The following FAM24A variants were observed in gnomAD, a reference collection of about 807,000 sequenced individuals.
FAM24A encodes family with sequence similarity 24 member A.
FAM24A carries 2 observed loss-of-function variants against 2.8 expected under a neutral mutation model. The observed-to-expected ratio is 0.73, with a 90% CI of 0.30 to 2.28. The LOEUF is 2.28. Ranked by LOEUF, FAM24A falls within the 30% of genes most tolerant of loss-of-function variation. FAM24A has a pLI of 0.12. For missense variants in FAM24A, 109 were observed against 132.0 expected (o/e 0.83, Z 0.85); for synonymous variants, 46 against 47.5 (o/e 0.97, Z 0.13).
chr10:122,911,634 C>T lies in FAM24A; in HGVS notation c.-1C>T, dbSNP rs1247292012. 6.2e-7 allele frequency: 1 copy of T among 1,613,486 alleles called. No homozygotes were observed. Among genetic ancestry groups the T allele is most frequent in the Non-Finnish European group, 8.5e-7 (1 of 1,179,920 alleles). On this transcript the variant is annotated splice_region_variant and 5_prime_UTR_variant, in exon 2 of 3. Coordinates refer to ENST00000368894, the MANE Select transcript of FAM24A (RefSeq NM_001029888.3). ...TGCTTCCCTGCACTTTCTCCTTAGG[C>T]ATGGCAAAGATGTTTGATCTCAGGA...
chr10:122,911,349 T>A (rs1016409201), intron 1 of FAM24A, among the ~76,000 whole-genome samples: 3 of 152,118 alleles, frequency 2.0e-5, no homozygotes, highest in Admixed American at 6.6e-5. Flanking sequence ...GGCAGGCCTG[T>A]GGTCATTTCC....
At chr10:122,911,528 A>G in intron 1 of FAM24A, 105 bp from the exon 2 acceptor site, 1 of 1,496,114 alleles carries the variant, frequency 6.7e-7, no homozygotes, top group Non-Finnish European at 9.1e-7. Context: ...ATTTGCTTGC[A>G]GTTTACATGT....
Position 122,913,068 on chromosome 10 carries a change from G to T in FAM24A, c.*114G>T. ...TACATACTATTATATAATGTACAGT[G>T]TTATTTTCTGTACTTCTGAATAAAT... On this transcript the variant is annotated 3_prime_UTR_variant, in exon 3 of 3. Coordinates refer to ENST00000368894, the MANE Select transcript of FAM24A (RefSeq NM_001029888.3). The T allele has an allele frequency of 1.2e-6, 1 of 853,210 alleles. No homozygotes were observed. The highest frequency in any genetic ancestry group is 1.8e-5 in the African/African-American group (1 of 57,102). The allele number at this position is 853,210 out of a possible 1,614,324, so 52.9% of individuals were successfully genotyped here.
chr10:122,912,041 C>G (rs764896259), intron 2 of FAM24A, among the ~76,000 whole-genome samples: 1 of 152,186 alleles, frequency 6.6e-6, no homozygotes, highest in African/African-American at 2.4e-5. Context: ...AATTCAGCAC[C>G]TTGGCCAAGC....
At position 122,912,959 on chromosome 10, in the gene FAM24A, G is replaced by A. The variant is rs762663659; in HGVS notation, c.*5G>A. ...GACATAAATGAGGGCCTCTGACTTG[G>A]GAAAGCTGGGCACAAAAATCTTCAT... On this transcript the variant is annotated 3_prime_UTR_variant, in exon 3 of 3. Transcript: ENST00000368894. 4 of 1,583,226 alleles carry A rather than the reference G, an allele frequency of 2.5e-6. No homozygotes were observed. In the Admixed American group the frequency reaches 5.8e-5, roughly 23 times the overall value.
At chr10:122,911,493 T>G (rs1272441174) in intron 1 of FAM24A, 140 bp from the exon 2 acceptor site, 2 of 1,270,614 alleles carry the variant, frequency 1.6e-6, no homozygotes, top group Admixed American at 4.5e-5. Flanking sequence ...TGGACCAGCT[T>G]AGGATCCTAG....
Position 122,911,643 on chromosome 10 carries a change from G to T in FAM24A, c.9G>T (p.Lys3Asn), listed in dbSNP as rs1338873176. MAKMFDLRTKIMI... is the reference protein window; with the variant it reads MANMFDLRTKIMI... Reference sequence around the variant, plus strand: ...GCACTTTCTCCTTAGGCATGGCAAAGATGTTTGATCTCAGGACGAAGATCA... The same window carrying T: ...GCACTTTCTCCTTAGGCATGGCAAATATGTTTGATCTCAGGACGAAGATCA... The change falls in exon 2 of 3, where the codon AAG (lysine) becomes AAT (asparagine). Residue 3 changes from lysine (K) to asparagine (N), a missense_variant. Transcript: ENST00000368894. 6.2e-7 allele frequency: 1 copy of T among 1,613,822 alleles called. No individual in the cohort carries two copies.
chr10:122,911,488 CA>C (rs1848317537), intron 1 of FAM24A, 144 bp from the exon 2 acceptor site: 2 of 1,186,086 alleles, frequency 1.7e-6, no homozygotes, highest in Non-Finnish European at 2.3e-6. Context: ...GCCCCTGGAC[CA>C]GCTTAGGATC....
At chr10:122,912,404 T>C (rs904162098) in intron 2 of FAM24A, among the ~76,000 whole-genome samples, 2 of 151,928 alleles carry the variant, frequency 1.3e-5, no homozygotes, top group African/African-American at 2.4e-5. Context: ...CCAGAGAGGT[T>C]GGTTGTCAGA....
rs371905795 is a variant in FAM24A at position 122,911,703 on chromosome 10, G to A, written c.69G>A (p.Ala23=). The stretch of plus-strand genomic sequence containing the variant: ...TCGGAAGCAGCTTACTGGTTGCCGC[G>A]ATGGTGCTCCTAAGTGTTGTGTTCT... ...IGIGSSLLVA[A]MVLLSVVFCL... is the part of the protein sequence containing the mutation. The change falls in exon 2 of 3, where the codon GCG becomes GCA. Residue 23 remains alanine, a synonymous_variant. Transcript: ENST00000368894. 17 of 1,614,028 alleles carry A rather than the reference G, an allele frequency of 1.1e-5. No homozygotes were observed. The highest frequency in any genetic ancestry group is 3.3e-5 in the Admixed American group (2 of 60,002).
chr10:122,911,545 G>C (rs1419632421), intron 1 of FAM24A, 88 bp from the exon 2 acceptor site: 2 of 1,558,848 alleles, frequency 1.3e-6, no homozygotes, highest in South Asian at 2.4e-5. Context: ...ATGTGTCTGG[G>C]GTTCACTCTT....
Position 122,911,688 on chromosome 10 carries a change from C to T in FAM24A, c.54C>T (p.Ser18=), listed in dbSNP as rs141693944. ...RTKIMIGIGS[S]LLVAAMVLLS... ...AGATCATGATCGGCATCGGAAGCAG[C>T]TTACTGGTTGCCGCGATGGTGCTCC... is the stretch of plus-strand genomic sequence containing the variant. Residue 18 remains serine, a synonymous_variant, in exon 2 of 3, where the codon AGC becomes AGT. Coordinates refer to ENST00000368894, the MANE Select transcript of FAM24A (RefSeq NM_001029888.3). 3,345 of 1,614,168 alleles carry T rather than the reference C, an allele frequency of 2.1e-3. 9 individuals carry two copies. The highest frequency in any genetic ancestry group is 1.9e-3 in the Non-Finnish European group (2,300 of 1,180,032).
rs773467464 is a variant in FAM24A, at chr10:122,912,930, T to C, written c.294T>C (p.Cys98=). 3.1e-6 allele frequency: 5 copies of C among 1,609,746 alleles called. No homozygotes were observed. In the South Asian group the frequency reaches 5.6e-5, roughly 18 times the overall value. Residue 98 remains cysteine, a synonymous_variant, in exon 3 of 3, where the codon TGT becomes TGC. Coordinates refer to ENST00000368894, the MANE Select transcript of FAM24A (RefSeq NM_001029888.3). ...HASSDSLPPC[C]CDINEGL is the part of the protein sequence containing the mutation. ...GTTCTGATTCCCTGCCACCTTGCTG[T>C]TGTGACATAAATGAGGGCCTCTGAC... is the stretch of plus-strand genomic sequence containing the variant.
chr10:122,911,039 C>A (rs1848313609), intron 1 of FAM24A, among the ~76,000 whole-genome samples: 1 of 152,120 alleles, frequency 6.6e-6, no homozygotes, highest in Admixed American at 6.5e-5. Context: ...CTGGTCTCTG[C>A]AGACCACGTC....
At chr10:122,911,844 T>G in intron 2 of FAM24A, 85 bp downstream of exon 2, 1 of 1,552,594 alleles carries the variant, frequency 6.4e-7, no homozygotes, top group Non-Finnish European at 8.8e-7. Flanking sequence ...TCCTTTCTGC[T>G]GTGGCCATAC....
chr10:122,911,703 G>T lies in FAM24A; in HGVS notation c.69G>T (p.Ala23=). The stretch of plus-strand genomic sequence containing the variant: ...TCGGAAGCAGCTTACTGGTTGCCGC[G>T]ATGGTGCTCCTAAGTGTTGTGTTCT... The part of the protein sequence containing the change: ...IGIGSSLLVA[A]MVLLSVVFCL... Residue 23 remains alanine (A), a synonymous_variant, in exon 2 of 3, where the codon GCG becomes GCT. Transcript: ENST00000368894. 13 of 1,614,148 alleles carry T rather than the reference G, an allele frequency of 8.1e-6. No homozygotes were observed. The highest frequency in any genetic ancestry group is 1.1e-5 in the Non-Finnish European group (13 of 1,180,024).
In FAM24A at chr10:122,911,700, C is replaced by A. The variant is rs780133848; in HGVS notation, c.66C>A (p.Ala22=). 1 of 1,614,124 alleles carries A rather than the reference C, an allele frequency of 6.2e-7. No homozygotes were observed. The highest frequency in any genetic ancestry group is 1.7e-5 in the Admixed American group (1 of 60,018). Residue 22 remains alanine (A), a synonymous_variant, in exon 2 of 3, where the codon GCC becomes GCA. Coordinates refer to ENST00000368894, the MANE Select transcript of FAM24A (RefSeq NM_001029888.3). The part of the protein sequence containing the change: ...MIGIGSSLLV[A]AMVLLSVVFC... The stretch of plus-strand genomic sequence containing the variant: ...GCATCGGAAGCAGCTTACTGGTTGC[C>A]GCGATGGTGCTCCTAAGTGTTGTGT...
In FAM24A at chr10:122,913,009, A is replaced by C. The variant is rs574799824; in HGVS notation, c.*55A>C. The C allele has an allele frequency of 2.7e-6, 4 of 1,484,770 alleles. No individual in the cohort carries two copies. In the South Asian group the frequency reaches 5.2e-5, roughly 19 times the overall value. 92.0% of individuals were successfully genotyped at this position (1,484,770 alleles called of 1,614,324 possible). ...TGAGCAATATTTCTTTCTTAATAGAATGTTTTATTATTCAAGTCAAGTTCT... is the reference window on the plus strand; with the variant it reads ...TGAGCAATATTTCTTTCTTAATAGACTGTTTTATTATTCAAGTCAAGTTCT... On this transcript the variant is annotated 3_prime_UTR_variant, in exon 3 of 3. Transcript: ENST00000368894.
At chr10:122,912,692 C>G in intron 2 of FAM24A, 70 bp from the exon 3 acceptor site, 1 of 1,466,324 alleles carries the variant, frequency 6.8e-7, no homozygotes, top group Non-Finnish European at 9.3e-7. Flanking sequence ...TCCCAGATAC[C>G]CCCAACAATT....
Sources: allele counts gnomAD v4.1 joint callset (sites outside exome capture counted in the v4.1 genomes callset), GRCh38; gene constraint gnomAD v4.1.1; transcripts MANE v1.5; gene names NCBI Gene and HGNC (gene_info 2026-07-23, HGNC 2026-07-21).